Variants in PITPNA observed in about 807,000 individuals in gnomAD.
PITPNA encodes phosphatidylinositol transfer protein alpha isoform.
PITPNA carries 13 observed loss-of-function variants against 50.3 expected under a neutral mutation model. The observed-to-expected ratio is 0.26, with a 90% CI of 0.17 to 0.41. The LOEUF (loss-of-function observed/expected upper bound fraction) is 0.41. Ranked by LOEUF, PITPNA falls within the 10% of genes least tolerant of loss-of-function variation. PITPNA has a pLI of 1.00. For synonymous variants in PITPNA, 120 were observed against 119.6 expected (o/e 1.00, Z -0.02); for missense variants, 207 against 333.4 (o/e 0.62, Z 2.95).
intron 10 of PITPNA, among the ~76,000 whole-genome samples, chr17:1,524,301 C>T (rs1244740274): frequency 6.0e-5 from 9 of 150,968 alleles, no homozygotes; most frequent in South Asian, 2.1e-4. Flanking sequence ...GCCTTGGCCT[C>T]CCAAAGTGCT....
intron 1 of PITPNA, among the ~76,000 whole-genome samples, chr17:1,558,978 A>G (rs189212936): frequency 8.2e-4 from 124 of 152,134 alleles, no homozygotes; most frequent in Non-Finnish European, 1.5e-3. Context: ...CGTCCCCCCA[A>G]CAAGACTTGC....
chr17:1,546,486 T>G (rs1216716102), intron 4 of PITPNA, among the ~76,000 whole-genome samples: 3 of 152,180 alleles, frequency 2.0e-5, no homozygotes, highest in Non-Finnish European at 4.4e-5. Context: ...AAGGGTGATA[T>G]GCGTCACGTA....
chr17:1,543,194 C>T (rs1391088468), intron 4 of PITPNA, among the ~76,000 whole-genome samples, 167 bp from the exon 5 acceptor site: 2 of 152,124 alleles, frequency 1.3e-5, no homozygotes, highest in African/African-American at 4.8e-5. Context: ...AATACCTTAA[C>T]GCACCAACCC....
chr17:1,558,534 C>A lies in PITPNA; in HGVS notation c.46G>T (p.Asp16Tyr), dbSNP rs767539896. Residue 16 changes from aspartate to tyrosine, a missense_variant, in exon 2 of 12, where the codon GAT (aspartate) becomes TAT (tyrosine). Asp to Tyr is a radical substitution (Grantham distance 160). Transcript: ENST00000313486. ...EYRVILPVSV[D>Y]EYQVGQLYSV... ...CAGAAAGTAAAAGGACTTACCTCAT[C>A]TACAGACACAGGCAGGATTACTCGA... is the stretch of plus-strand genomic sequence containing the variant. The A allele has an allele frequency of 6.2e-7, 1 of 1,603,636 alleles. No individual in the cohort carries two copies. Among genetic ancestry groups the A allele is most frequent in the Admixed American group, 1.7e-5 (1 of 59,794 alleles).
chr17:1,534,625 T>C (rs112413355), intron 9 of PITPNA, among the ~76,000 whole-genome samples: 7 of 152,278 alleles, frequency 4.6e-5, no homozygotes, highest in African/African-American at 1.7e-4. Context: ...CTCAAACATG[T>C]CGGAGGATTA....
intron 2 of PITPNA, among the ~76,000 whole-genome samples, chr17:1,558,306 A>T (rs1225124636): frequency 1.3e-5 from 2 of 151,908 alleles, no homozygotes; most frequent in Non-Finnish European, 2.9e-5. Flanking sequence ...ATCTCTACTC[A>T]TCCAGCATAC....
At chr17:1,555,306 A>G (rs1343882913) in intron 2 of PITPNA, among the ~76,000 whole-genome samples, 1 of 152,184 alleles carries the variant, frequency 6.6e-6, no homozygotes, top group Non-Finnish European at 1.5e-5. Flanking sequence ...TGATCCTTTA[A>G]TCCCAATGAG....
At chr17:1,553,267 G>C in intron 2 of PITPNA, 118 bp from the exon 3 acceptor site, 4 of 1,135,210 alleles carry the variant, frequency 3.5e-6, no homozygotes, top group Non-Finnish European at 5.1e-6. Flanking sequence ...GCAGGAGCTG[G>C]TTCTGGAGTT....
chr17:1,546,311 G>C (rs2075673967), intron 4 of PITPNA, among the ~76,000 whole-genome samples: 1 of 152,042 alleles, frequency 6.6e-6, no homozygotes, highest in Admixed American at 6.6e-5. Context: ...GGAGGGCTGT[G>C]CTTCAGCTAC....
chr17:1,549,677 GTTTGTT>G lies in PITPNA; in HGVS notation c.198-1296_198-1291del, dbSNP rs1286689411. Among the ~76,000 whole-genome samples the G allele has an allele frequency of 3.5e-5, 5 of 142,220 alleles. No individual in the cohort carries two copies. The Admixed American group carries it at 3.7e-4, about 11-fold the overall frequency. The allele number at this position is 142,220 out of a possible 152,430, so 93.3% of individuals were successfully genotyped here. ...ACATATATTCCTTTTCCTTTTTTTT[GTTTGTT>G]TTTGTTTTTTGAGATGGAGCCTTGC... On this transcript the variant is annotated intron_variant, in intron 3 of 11. Transcript: ENST00000313486.
At position 1,535,080 on chromosome 17, in the gene PITPNA, G is replaced by A. The variant is rs200531956; in HGVS notation, c.645+102C>T. On this transcript the variant is annotated intron_variant, in intron 9 of 11. Coordinates refer to ENST00000313486, the MANE Select transcript of PITPNA (RefSeq NM_006224.4). Reference sequence around the variant, plus strand: ...CACCGCACACACACGCAGTCACTGGGAAGGCCTCAGCCGAGCTACTCACCT... The same window carrying A: ...CACCGCACACACACGCAGTCACTGGAAAGGCCTCAGCCGAGCTACTCACCT... 2.8e-4 allele frequency: 200 copies of A among 716,446 alleles called. 1 individual carries two copies. The East Asian group carries it at 4.6e-3, about 17-fold the overall frequency. The allele number at this position is 716,446 out of a possible 1,614,324, so 44.4% of individuals were successfully genotyped here.
chr17:1,521,679 C>T, intron 10 of PITPNA, 34 bp from the exon 11 acceptor site: 1 of 1,591,082 alleles, frequency 6.3e-7, no homozygotes, highest in Non-Finnish European at 8.6e-7. Context: ...ATGGAAGGCT[C>T]CTGCTGCTGA....
rs1471803579 is a variant in PITPNA at position 1,517,896 on chromosome 17, C to G, written c.*2665G>C. ...TTCAGACACACCTTTGTACCTCTTC[C>G]TAATCCTGCCCTGGTAAAATGGCGG... On this transcript the variant is annotated 3_prime_UTR_variant, in exon 12 of 12. Coordinates refer to ENST00000313486, the MANE Select transcript of PITPNA (RefSeq NM_006224.4). The G allele has an allele frequency of 6.6e-6, 1 of 152,576 alleles. No individual in the cohort carries two copies. The highest frequency in any genetic ancestry group is 1.5e-5 in the Non-Finnish European group (1 of 68,032). The allele number at this position is 152,576 out of a possible 1,614,324, so 9.5% of individuals were successfully genotyped here. A position where few individuals can be genotyped will look rare whatever the true frequency, so the allele number is the denominator to read the frequency against.
At chr17:1,532,244 C>G (rs1297139253) in intron 10 of PITPNA, among the ~76,000 whole-genome samples, 1 of 152,182 alleles carries the variant, frequency 6.6e-6, no homozygotes, top group South Asian at 2.1e-4. Flanking sequence ...TCCGCCACCA[C>G]GCCTGGCTAA....
At chr17:1,523,140 G>T (rs150984878) in intron 10 of PITPNA, among the ~76,000 whole-genome samples, 262 of 147,918 alleles carry the variant, frequency 1.8e-3, no homozygotes, top group African/African-American at 6.5e-3. Context: ...CCTGTCACTG[G>T]CACCTTCCAG....
intron 10 of PITPNA, among the ~76,000 whole-genome samples, chr17:1,524,918 G>A (rs1325009560): frequency 6.6e-6 from 1 of 152,118 alleles, no homozygotes; most frequent in Non-Finnish European, 1.5e-5. Context: ...TATGCACTGA[G>A]TATTCGGGGC....
At chr17:1,556,669 C>T (rs906333756) in intron 2 of PITPNA, among the ~76,000 whole-genome samples, 3 of 152,196 alleles carry the variant, frequency 2.0e-5, no homozygotes, top group East Asian at 1.9e-4. Flanking sequence ...ATCTTCCTAA[C>T]GATCGGGGTG....
Position 1,562,705 on chromosome 17 carries a change from T to A in PITPNA, c.-145A>T. 1 of 422,806 alleles carries A rather than the reference T, an allele frequency of 2.4e-6. No homozygotes were observed. Among genetic ancestry groups the A allele is most frequent in the Non-Finnish European group, 3.2e-6 (1 of 308,522 alleles). The allele number at this position is 422,806 out of a possible 1,614,324, so 26.2% of individuals were successfully genotyped here. A position where few individuals can be genotyped will look rare whatever the true frequency, so the allele number is the denominator to read the frequency against. Reference sequence around the variant, plus strand: ...TCCGTCCCCGCCGCCCTCGCCGCGGTCGCCGCGCCGGCTCCTGCCGCCCGG... The same window carrying A: ...TCCGTCCCCGCCGCCCTCGCCGCGGACGCCGCGCCGGCTCCTGCCGCCCGG... On this transcript the variant is annotated 5_prime_UTR_variant, in exon 1 of 12. Coordinates refer to ENST00000313486, the MANE Select transcript of PITPNA (RefSeq NM_006224.4). This position sits in a 1 kb window ranked among gnomAD's most constrained non-coding sequence, Gnocchi z 6.4.
At chr17:1,556,329 G>A (rs1003455500) in intron 2 of PITPNA, among the ~76,000 whole-genome samples, 2 of 152,184 alleles carry the variant, frequency 1.3e-5, no homozygotes, top group Non-Finnish European at 2.9e-5. Context: ...CTTCTGCTTA[G>A]ACTTCAGGCT....
Sources: gnomAD v4.1 joint callset for allele counts (sites outside exome capture counted in the v4.1 genomes callset) on GRCh38, gnomAD v4.1.1 for gene constraint, Gnocchi (gnomAD v3.1) non-coding constraint, MANE v1.5 for transcripts, NCBI Gene and HGNC (gene_info 2026-07-23, HGNC 2026-07-21) for gene names.